The following STXBP5 variants were observed in gnomAD, a reference collection of about 807,000 sequenced individuals.
STXBP5 encodes the protein syntaxin-binding protein 5.
In STXBP5, 50 loss-of-function variants were observed where a neutral mutation model predicts 152.4. The ratio of observed to expected loss-of-function variants is 0.33; its 90% CI spans 0.26 to 0.42. The LOEUF (loss-of-function observed/expected upper bound fraction) is 0.42, where lower values mean the gene tolerates loss of function less well. Ranked by LOEUF, STXBP5 falls within the 10% of genes least tolerant of loss-of-function variation. The pLI is 1.00. For synonymous variants in STXBP5, 492 were observed against 494.7 expected (o/e 0.99, Z 0.07); for missense variants, 1,167 against 1,388.6 (o/e 0.84, Z 2.54).
chr6:147,382,785 A>G lies in STXBP5; in HGVS notation c.3201A>G (p.Glu1067=). The G allele has an allele frequency of 6.2e-7, 1 of 1,613,240 alleles. No homozygotes were observed. Among genetic ancestry groups the G allele is most frequent in the Non-Finnish European group, 8.5e-7 (1 of 1,179,412 alleles). ...TTTATCAAATGTGTTCAGTTGGAGA[A>G]TCGTCCTCAGGAAAGGCTTCAAGGA... ...QSLDREELFG[E]SSSGKASRSL... The change falls in exon 27 of 28, where the codon GAA becomes GAG. Residue 1067 remains glutamate, a synonymous_variant. Coordinates refer to ENST00000321680, the MANE Select transcript of STXBP5 (RefSeq NM_001127715.4).
intron 2 of STXBP5, among the ~76,000 whole-genome samples, chr6:147,225,889 G>A (rs1582809233): frequency 1.3e-5 from 2 of 152,164 alleles, no homozygotes; most frequent in Admixed American, 1.3e-4. Flanking sequence ...TAATTTATGG[G>A]ATTTTAAGGG....
At chr6:147,311,410 C>T (rs751256744) in intron 10 of STXBP5, 45 bp from the exon 11 acceptor site, 1 of 1,492,138 alleles carries the variant, frequency 6.7e-7, no homozygotes, top group African/African-American at 1.4e-5. Context: ...ATTTGCTGTC[C>T]ACTTGCATTT....
At position 147,361,331 on chromosome 6, in the gene STXBP5, A is replaced by G. The variant is rs146405328; in HGVS notation, c.2546-2004A>G. On this transcript the variant is annotated intron_variant, in intron 23 of 27. Transcript: ENST00000321680. ...ATTTACTGTTAACTACACAAAAAGT[A>G]TTTAGTATACTTTCCAACTTGCAAT... Among the ~76,000 whole-genome samples, 391 of 152,324 alleles carry G rather than the reference A, an allele frequency of 2.6e-3. 1 individual carries two copies. Among genetic ancestry groups the G allele is most frequent in the African/African-American group, 8.5e-3 (355 of 41,576 alleles).
chr6:147,280,895 T>C (rs867214459), intron 8 of STXBP5, among the ~76,000 whole-genome samples: 2 of 152,196 alleles, frequency 1.3e-5, no homozygotes, highest in Non-Finnish European at 2.9e-5. Context: ...ATTTGTGTAG[T>C]GTTAGCAGTC....
At position 147,385,849 on chromosome 6, in the gene STXBP5, A is replaced by G. The variant is rs1786313263; in HGVS notation, c.*1094A>G. 1 of 152,130 alleles carries G rather than the reference A, an allele frequency of 6.6e-6. No homozygotes were observed. The highest frequency in any genetic ancestry group is 1.5e-5 in the Non-Finnish European group (1 of 67,988). 9.4% of individuals were successfully genotyped at this position (152,130 alleles called of 1,614,324 possible). A position where few individuals can be genotyped will look rare whatever the true frequency, so the allele number is the denominator to read the frequency against. On this transcript the variant is annotated 3_prime_UTR_variant, in exon 28 of 28. Transcript: ENST00000321680. ...CCAATTAAATGTTAGTGCACATGCT[A>G]TCGCATGGAAAATTACAAGCATCTG...
intron 22 of STXBP5, among the ~76,000 whole-genome samples, chr6:147,358,640 AC>A (rs1784917242): frequency 6.6e-6 from 1 of 152,230 alleles, no homozygotes; most frequent in Admixed American, 6.5e-5. Flanking sequence ...TGAAAGCCTT[AC>A]CAGTAACATA....
intron 18 of STXBP5, chr6:147,328,729 G>T (rs1342756953): frequency 2.1e-6 from 1 of 470,712 alleles, no homozygotes; most frequent in South Asian, 1.5e-5. Flanking sequence ...TGCATGTGCG[G>T]CCTTTCTAGC....
At chr6:147,372,406 CCTTTTTTTTTTTTTTTT>C (rs1785590556) in intron 25 of STXBP5, among the ~76,000 whole-genome samples, 6 of 39,106 alleles carry the variant, frequency 1.5e-4, no homozygotes, top group South Asian at 1.3e-3. Flanking sequence ...CCGTCCTTTT[CCTTTTTTTTTTTTTTTT>C]TTTTTTTTTT....
rs777508612 is a variant in STXBP5 at position 147,364,080 on chromosome 6, A to G, written c.2995A>G (p.Thr999Ala). ...NMRIARTFCF[T>A]NNGQALYLVS... ...GCGGATAGCCAGAACGTTCTGCTTT[A>G]CCAACAATGGACAAGCATTATACCT... Residue 999 changes from threonine (T) to alanine (A), a missense_variant, in exon 25 of 28, where the codon ACC becomes GCC. Physicochemically the swap from Thr to Ala is moderately conservative, Grantham distance 58. Transcript: ENST00000321680. The G allele has an allele frequency of 1.2e-6, 2 of 1,613,974 alleles. No individual in the cohort carries two copies. Among genetic ancestry groups the G allele is most frequent in the Non-Finnish European group, 1.7e-6 (2 of 1,179,908 alleles).
At chr6:147,251,856 G>T (rs886233693) in intron 4 of STXBP5, among the ~76,000 whole-genome samples, 1 of 152,184 alleles carries the variant, frequency 6.6e-6, no homozygotes, top group African/African-American at 2.4e-5. Context: ...GCTGGTGGGT[G>T]CCCCTTCTGG....
At chr6:147,234,010 T>A (rs1404632372) in intron 2 of STXBP5, among the ~76,000 whole-genome samples, 1 of 151,410 alleles carries the variant, frequency 6.6e-6, no homozygotes, top group East Asian at 1.9e-4. Context: ...GAAAAAACTC[T>A]TGAAAATGAA....
intron 4 of STXBP5, among the ~76,000 whole-genome samples, chr6:147,243,436 T>C (rs1271833386): frequency 6.6e-6 from 1 of 152,216 alleles, no homozygotes; most frequent in Non-Finnish European, 1.5e-5. Flanking sequence ...GCTGTTTGTT[T>C]CTTACTGATA....
At chr6:147,359,019 A>T in intron 22 of STXBP5, 65 bp from the exon 23 acceptor site, 6 of 1,549,316 alleles carry the variant, frequency 3.9e-6, no homozygotes, top group Non-Finnish European at 5.2e-6. Flanking sequence ...AATTTATATT[A>T]AAAAACAACA....
intron 6 of STXBP5, among the ~76,000 whole-genome samples, chr6:147,263,662 G>T (rs570436437): frequency 6.6e-6 from 1 of 152,016 alleles, no homozygotes; most frequent in South Asian, 2.1e-4. Flanking sequence ...TTTCAGTTAT[G>T]AACTGCTCTT....
intron 21 of STXBP5, among the ~76,000 whole-genome samples, chr6:147,344,310 A>G (rs1784220192): frequency 6.6e-6 from 1 of 152,210 alleles, no homozygotes; most frequent in South Asian, 2.1e-4. Flanking sequence ...AATAAACTGT[A>G]GTTTGCTTCC....
intron 18 of STXBP5, among the ~76,000 whole-genome samples, chr6:147,327,708 C>A (rs2128387172): frequency 6.6e-6 from 1 of 152,278 alleles, no homozygotes; most frequent in South Asian, 2.1e-4. Flanking sequence ...TCCCAAAGTA[C>A]TGGGATTACA....
At chr6:147,215,726 TATCA>T (rs1254227808) in intron 2 of STXBP5, among the ~76,000 whole-genome samples, 1 of 152,174 alleles carries the variant, frequency 6.6e-6, no homozygotes, top group Admixed American at 6.5e-5. Context: ...TAACTCTATA[TATCA>T]AGGTAAATTA....
intron 14 of STXBP5, 55 bp from the exon 15 acceptor site, chr6:147,315,460 C>A: frequency 8.2e-7 from 1 of 1,219,492 alleles, no homozygotes; most frequent in South Asian, 1.4e-5. Context: ...TAAATGTTAC[C>A]TTATGTTTGA....
chr6:147,252,399 C>G (rs528980880), intron 4 of STXBP5, among the ~76,000 whole-genome samples: 1 of 151,898 alleles, frequency 6.6e-6, no homozygotes, highest in Non-Finnish European at 1.5e-5. Context: ...CCTGATAGAG[C>G]TGAAAAGCAC....
Sources: allele counts gnomAD v4.1 joint callset (sites outside exome capture counted in the v4.1 genomes callset), GRCh38; gene constraint gnomAD v4.1.1; transcripts MANE v1.5; gene names NCBI Gene and HGNC (gene_info 2026-07-23, HGNC 2026-07-21).